The following SGPP2 variants were observed in gnomAD, a reference collection of about 807,000 sequenced individuals.
SGPP2 encodes sphingosine 1-phosphate phosphohydrolase 2.
SGPP2 carries 30 observed loss-of-function variants against 33.9 expected under a neutral mutation model. That is an observed-to-expected ratio of 0.89 (90% CI 0.66 to 1.20). The LOEUF is 1.20. SGPP2 is among the 50% of genes most tolerant of loss of function. The pLI is 0.00. For synonymous variants in SGPP2, 233 were observed against 225.0 expected, an observed-to-expected ratio of 1.04 and a Z score of -0.32; for missense variants, 458 against 532.1, an observed-to-expected ratio of 0.86 and a Z score of 1.37.
intron 4 of SGPP2, among the ~76,000 whole-genome samples, chr2:222,534,724 T>C (rs1698888321): frequency 6.6e-6 from 1 of 152,188 alleles, no homozygotes; most frequent in Non-Finnish European, 1.5e-5. Flanking sequence ...TGAGATAAAA[T>C]GGGAATTTAG....
chr2:222,469,807 T>C (rs1697810572), intron 1 of SGPP2, among the ~76,000 whole-genome samples: 1 of 152,200 alleles, frequency 6.6e-6, no homozygotes, highest in Non-Finnish European at 1.5e-5. Flanking sequence ...GACAAATATG[T>C]GTTGTTTTAT....
At chr2:222,495,204 A>G (rs972109837) in intron 2 of SGPP2, among the ~76,000 whole-genome samples, 58 of 152,256 alleles carry the variant, frequency 3.8e-4, no homozygotes, top group Admixed American at 1.6e-3. Context: ...GCTTGAGGCC[A>G]GGAGTTTGAG....
At chr2:222,440,767 C>A (rs1410184491) in intron 1 of SGPP2, among the ~76,000 whole-genome samples, 1 of 152,042 alleles carries the variant, frequency 6.6e-6, no homozygotes, top group Non-Finnish European at 1.5e-5. Context: ...TTTTTTTCCT[C>A]CTCAGTCTAC....
chr2:222,480,750 C>T (rs547409664), intron 2 of SGPP2, among the ~76,000 whole-genome samples: 2 of 152,342 alleles, frequency 1.3e-5, no homozygotes, highest in East Asian at 3.9e-4. Context: ...TTTTCCTGAA[C>T]TTTCGGTGTT....
chr2:222,492,596 T>G (rs1053046985), intron 2 of SGPP2, among the ~76,000 whole-genome samples: 1 of 152,232 alleles, frequency 6.6e-6, no homozygotes, highest in African/African-American at 2.4e-5. Context: ...CTGTGATGGG[T>G]GGCCCAGATC....
In SGPP2 at chr2:222,559,593, C is replaced by G. The variant is rs1689499659; in HGVS notation, c.*695C>G. ...CCTCCTGCCTGAGCCAACTGAGTAG[C>G]TGGGACTGTAAGCATAGACCACCAT... On this transcript the variant is annotated 3_prime_UTR_variant, in exon 5 of 5. Transcript: ENST00000321276. The G allele has an allele frequency of 6.6e-6, 1 of 152,546 alleles. No homozygotes were observed. Among genetic ancestry groups the G allele is most frequent in the Admixed American group, 6.5e-5 (1 of 15,278 alleles). 9.4% of individuals were successfully genotyped at this position (152,546 alleles called of 1,614,324 possible).
rs1697634618 is a variant in SGPP2, at chr2:222,460,005, C to A, written c.220-14563C>A. On this transcript the variant is annotated intron_variant, in intron 1 of 4. Transcript: ENST00000321276. This position sits in a 1 kb window ranked among gnomAD's most constrained non-coding sequence, Gnocchi z 4.3. ...TTAATATTTTTGACAAGCTCTGTTT[C>A]CTTGGGCATAGGAACCACAGTCCCT... Among the ~76,000 whole-genome samples, 1 of 152,180 alleles carries A rather than the reference C, an allele frequency of 6.6e-6. No homozygotes were observed. The highest frequency in any genetic ancestry group is 1.5e-5 in the Non-Finnish European group (1 of 68,034).
chr2:222,512,938 C>A (rs1406893535), intron 2 of SGPP2, among the ~76,000 whole-genome samples: 1 of 152,170 alleles, frequency 6.6e-6, no homozygotes, highest in African/African-American at 2.4e-5. Context: ...CTATAAGCAT[C>A]CTTGCACAGG....
chr2:222,447,957 A>T (rs1316695663), intron 1 of SGPP2, among the ~76,000 whole-genome samples: 7 of 152,230 alleles, frequency 4.6e-5, no homozygotes, highest in Non-Finnish European at 7.3e-5. Context: ...AGAGAGCAAG[A>T]GAGGTGTATC....
At chr2:222,512,395 C>T (rs1036889571) in intron 2 of SGPP2, among the ~76,000 whole-genome samples, 22 of 151,904 alleles carry the variant, frequency 1.4e-4, no homozygotes, top group African/African-American at 4.1e-4. Flanking sequence ...CTTCTCCCCA[C>T]GCCACATACA....
rs748557804 is a variant in SGPP2, at chr2:222,558,528, C to G, written c.830C>G (p.Thr277Ser). The change falls in exon 5 of 5, where the codon ACC becomes AGC. Residue 277 changes from threonine (T) to serine (S), a missense_variant. Transcript: ENST00000321276. ...SDYYSPTRAD[T>S]TTILAAGAGV... ...TACTACAGCCCAACCCGGGCGGACACCACCACCATTCTGGCTGCCGGGGCT... is the reference window on the plus strand; with the variant it reads ...TACTACAGCCCAACCCGGGCGGACAGCACCACCATTCTGGCTGCCGGGGCT... 4 of 1,614,200 alleles carry G rather than the reference C, an allele frequency of 2.5e-6. No individual in the cohort carries two copies. In the Admixed American group the frequency reaches 6.7e-5, roughly 27 times the overall value.
rs1159253056 is a variant in SGPP2, at chr2:222,550,257, C to CT, written c.649-8083dup. Among the ~76,000 whole-genome samples the CT allele has an allele frequency of 2.6e-5, 4 of 152,018 alleles. No individual in the cohort carries two copies. Among genetic ancestry groups the CT allele is most frequent in the Non-Finnish European group, 4.4e-5 (3 of 67,998 alleles). ...ATCATATAGATTCTTAGGGATATTT[C>CT]TTTTTTTGGCATGATGTGAAAATTA... On this transcript the variant is annotated intron_variant, in intron 4 of 4. Transcript: ENST00000321276. The surrounding 1 kb of genome is among the most constrained non-coding windows in gnomAD (Gnocchi z 4.5).
intron 1 of SGPP2, among the ~76,000 whole-genome samples, chr2:222,444,997 C>T (rs1326785409): frequency 6.6e-6 from 1 of 152,144 alleles, no homozygotes; most frequent in Non-Finnish European, 1.5e-5. Context: ...GACCAGACCC[C>T]GACCCAGGAG....
At chr2:222,427,585 G>A (rs749599812) in intron 1 of SGPP2, among the ~76,000 whole-genome samples, 3 of 151,774 alleles carry the variant, frequency 2.0e-5, no homozygotes, top group South Asian at 2.1e-4. Flanking sequence ...GCGATGTTTC[G>A]TTTTTCTTTA....
chr2:222,506,784 A>G (rs1170109406), intron 2 of SGPP2, among the ~76,000 whole-genome samples: 1 of 152,206 alleles, frequency 6.6e-6, no homozygotes, highest in Non-Finnish European at 1.5e-5. Context: ...CGATCAGATC[A>G]TTATCTCACA....
intron 2 of SGPP2, among the ~76,000 whole-genome samples, chr2:222,480,289 C>T (rs538955387): frequency 6.6e-6 from 1 of 152,210 alleles, no homozygotes; most frequent in African/African-American, 2.4e-5. Flanking sequence ...AATAGCAATG[C>T]AAACATTGAC....
chr2:222,552,655 G>A (rs1231883022), intron 4 of SGPP2, among the ~76,000 whole-genome samples: 1 of 152,148 alleles, frequency 6.6e-6, no homozygotes, highest in African/African-American at 2.4e-5. Context: ...GAGGTTGGGA[G>A]TTTGAGACCA....
intron 2 of SGPP2, among the ~76,000 whole-genome samples, chr2:222,495,430 A>G (rs1359425562): frequency 6.6e-6 from 1 of 152,006 alleles, no homozygotes; most frequent in Admixed American, 6.6e-5. Context: ...ATAAAAATTA[A>G]AAAAAAATCT....
At chr2:222,517,976 A>G (rs1190031852) in intron 2 of SGPP2, among the ~76,000 whole-genome samples, 2 of 152,206 alleles carry the variant, frequency 1.3e-5, no homozygotes, top group African/African-American at 4.8e-5. Context: ...GCCTTTTCAC[A>G]TTATCCTCTG....
Sources: allele counts gnomAD v4.1 joint callset (sites outside exome capture counted in the v4.1 genomes callset), GRCh38; gene constraint gnomAD v4.1.1; non-coding constraint Gnocchi (gnomAD v3.1); transcripts MANE v1.5; gene names NCBI Gene and HGNC (gene_info 2026-07-23, HGNC 2026-07-21).